ZBTB8A: variants seen among roughly 807,000 people sequenced by gnomAD.
The protein encoded by ZBTB8A is zinc finger and BTB domain-containing protein 8A.
In ZBTB8A, 19 loss-of-function variants were observed where a neutral mutation model predicts 37.8. The ratio of observed to expected loss-of-function variants is 0.50; its 90% confidence interval spans 0.35 to 0.74. The LOEUF (loss-of-function observed/expected upper bound fraction) is 0.74, where lower values mean the gene tolerates loss of function less well. ZBTB8A is among the 30% of genes least tolerant of loss of function. ZBTB8A has a pLI of 0.01. For synonymous variants in ZBTB8A, 181 were observed against 185.2 expected, an observed-to-expected ratio of 0.98 and a Z score of 0.19; for missense variants, 394 against 537.8, an observed-to-expected ratio of 0.73 and a Z score of 2.65.
chr1:32,594,952 AT>A (rs936740778), intron 3 of ZBTB8A, 101 bp from the exon 4 acceptor site: 17 of 1,154,502 alleles, frequency 1.5e-5, no homozygotes, highest in Non-Finnish European at 1.7e-5. Flanking sequence ...TTTTAAGTTT[AT>A]TTTTTTCTTT....
chr1:32,583,682 C>T (rs557594371), intron 2 of ZBTB8A, among the ~76,000 whole-genome samples: 52 of 152,174 alleles, frequency 3.4e-4, no homozygotes, highest in Admixed American at 4.6e-4. Flanking sequence ...AGGGTGGGCC[C>T]TTAATCCAGT....
chr1:32,573,274 G>A (rs1454385738), intron 2 of ZBTB8A, among the ~76,000 whole-genome samples: 2 of 148,210 alleles, frequency 1.3e-5, no homozygotes, highest in Non-Finnish European at 3.0e-5. Flanking sequence ...TGGGGTTTCA[G>A]CACGTTGGTC....
chr1:32,575,586 C>A (rs1051931677), intron 2 of ZBTB8A, among the ~76,000 whole-genome samples: 1 of 151,576 alleles, frequency 6.6e-6, no homozygotes, highest in African/African-American at 2.4e-5. Context: ...AGGTGGCTCA[C>A]GCCTATAATC....
chr1:32,578,376 C>T (rs1389324572), intron 2 of ZBTB8A, among the ~76,000 whole-genome samples: 1 of 151,848 alleles, frequency 6.6e-6, no homozygotes, highest in Non-Finnish European at 1.5e-5. Context: ...CACATCCAGC[C>T]TAATTTTTGT....
chr1:32,571,900 GT>G (rs1200041335), intron 2 of ZBTB8A, among the ~76,000 whole-genome samples: 1 of 151,148 alleles, frequency 6.6e-6, no homozygotes, highest in Non-Finnish European at 1.5e-5. Flanking sequence ...TAGGTTGGGG[GT>G]TTTTTTTGTT....
rs186033017 is a variant in ZBTB8A, at chr1:32,601,251, G to A, written c.*832G>A. ...AATACTTTGGGAGGCCGAGGCAGGC[G>A]GATCACAAGGTCAGGAGTTTGAAAC... On this transcript the variant is annotated 3_prime_UTR_variant, in exon 5 of 5. Coordinates refer to ENST00000373510, the MANE Select transcript of ZBTB8A (RefSeq NM_001040441.3). The A allele has an allele frequency of 7.7e-4, 123 of 159,676 alleles. No individual in the cohort carries two copies. The highest frequency in any genetic ancestry group is 2.3e-3 in the African/African-American group (98 of 41,924). The allele number at this position is 159,676 out of a possible 1,614,324, so 9.9% of individuals were successfully genotyped here. A position where few individuals can be genotyped will look rare whatever the true frequency, so the allele number is the denominator to read the frequency against.
chr1:32,594,293 A>C (rs904158128), intron 3 of ZBTB8A, among the ~76,000 whole-genome samples: 1 of 152,194 alleles, frequency 6.6e-6, no homozygotes, highest in Non-Finnish European at 1.5e-5. Flanking sequence ...CAAAATAATA[A>C]GAATACTAAG....
chr1:32,585,773 TGG>T (rs1644443130), intron 2 of ZBTB8A, among the ~76,000 whole-genome samples: 2 of 151,964 alleles, frequency 1.3e-5, no homozygotes, highest in Admixed American at 1.3e-4. Context: ...GAGGCCAAGG[TGG>T]GTGGATCACC....
chr1:32,601,763 A>C lies in ZBTB8A; in HGVS notation c.*1344A>C. 2 of 398,234 alleles carry C rather than the reference A, an allele frequency of 5.0e-6. No individual in the cohort carries two copies. Among genetic ancestry groups the C allele is most frequent in the Non-Finnish European group, 8.9e-6 (2 of 225,882 alleles). 24.7% of individuals were successfully genotyped at this position (398,234 alleles called of 1,614,324 possible). A position where few individuals can be genotyped will look rare whatever the true frequency, so the allele number is the denominator to read the frequency against. On this transcript the variant is annotated 3_prime_UTR_variant, in exon 5 of 5. Coordinates refer to ENST00000373510, the MANE Select transcript of ZBTB8A (RefSeq NM_001040441.3). ...ACCTCACCAGTTGGCAGTCATTATA[A>C]AAATAAGCCAATCAGAATTAGAAAG...
In ZBTB8A at chr1:32,595,243, A is replaced by G; in HGVS notation, c.993+20A>G. 1 of 1,596,586 alleles carries G rather than the reference A, an allele frequency of 6.3e-7. No homozygotes were observed. The highest frequency in any genetic ancestry group is 1.1e-5 in the South Asian group (1 of 88,682). On this transcript the variant is annotated intron_variant, in intron 4 of 4. Coordinates refer to ENST00000373510, the MANE Select transcript of ZBTB8A (RefSeq NM_001040441.3). The stretch of plus-strand genomic sequence containing the variant: ...CGAACAGTATGTATGATTTTTTTTC[A>G]TCGTTTTACTAATTCTTTTTTGGTT...
At chr1:32,548,546 C>T (rs1029030460) in intron 1 of ZBTB8A, among the ~76,000 whole-genome samples, 2 of 152,090 alleles carry the variant, frequency 1.3e-5, no homozygotes, top group Non-Finnish European at 2.9e-5. Context: ...GTTGGCCAGG[C>T]TGGTCTTGAA....
intron 2 of ZBTB8A, among the ~76,000 whole-genome samples, chr1:32,579,036 G>A (rs1644383711): frequency 6.6e-6 from 1 of 152,112 alleles, no homozygotes; most frequent in Admixed American, 6.6e-5. Context: ...GGCAGTTCTA[G>A]AGTTATCTTT....
At position 32,547,322 on chromosome 1, in the gene ZBTB8A, T is replaced by C. The variant is rs184138961; in HGVS notation, c.-83-6137T>C. Among the ~76,000 whole-genome samples, 775 of 151,438 alleles carry C rather than the reference T, an allele frequency of 5.1e-3. 7 individuals are homozygous for C. Among genetic ancestry groups the C allele is most frequent in the African/African-American group, 0.017 (695 of 41,300 alleles). On this transcript the variant is annotated intron_variant, in intron 1 of 4. Transcript: ENST00000373510. ...TTTAAATATATACATTAGAGTAGTA[T>C]TCTAAGTATAAACAAATTTTCTTTT...
chr1:32,599,409 C>T lies in ZBTB8A; in HGVS notation c.994-678C>T, dbSNP rs150174381. On this transcript the variant is annotated intron_variant, in intron 4 of 4. Coordinates refer to ENST00000373510, the MANE Select transcript of ZBTB8A (RefSeq NM_001040441.3). ...CTACACCGTAGCCTGGGTGACAGAG[C>T]GAGACCCTATTTTAAAAATAAAAAG... is the stretch of plus-strand genomic sequence containing the variant. 7.3e-3 allele frequency among the ~76,000 whole-genome samples: 1,112 copies of T among 151,818 alleles called. 10 individuals carry two copies. The highest frequency in any genetic ancestry group is 0.011 in the Non-Finnish European group (768 of 67,934).
intron 2 of ZBTB8A, among the ~76,000 whole-genome samples, chr1:32,591,968 G>A (rs902252054): frequency 4.6e-5 from 7 of 151,898 alleles, no homozygotes; most frequent in African/African-American, 1.2e-4. Flanking sequence ...CTCAGCTCCC[G>A]AGCAGCTGGG....
rs747084812 is a variant in ZBTB8A at position 32,593,437 on chromosome 1, A to G, written c.506A>G (p.Glu169Gly). 1.9e-6 allele frequency: 3 copies of G among 1,613,886 alleles called. No homozygotes were observed. The South Asian group carries it at 3.3e-5, about 18-fold the overall frequency. ...TCTCCACGTTCTCACCTAAGCCCAG[A>G]GCAAGGAACAGGTATAATAAGTGGA... ...SSSPRSHLSP[E>G]QGTGIISGKS... is the part of the protein sequence containing the mutation. The change falls in exon 3 of 5, where the codon GAG becomes GGG. Residue 169 changes from glutamate (E) to glycine (G), a missense_variant. Transcript: ENST00000373510.
chr1:32,583,466 TAGGTTA>T (rs951932511), intron 2 of ZBTB8A, among the ~76,000 whole-genome samples: 1 of 151,496 alleles, frequency 6.6e-6, no homozygotes, highest in African/African-American at 2.4e-5. Context: ...GTCTCACTCA[TAGGTTA>T]AGACTAGATT....
At chr1:32,591,510 C>T (rs1644488110) in intron 2 of ZBTB8A, among the ~76,000 whole-genome samples, 1 of 152,080 alleles carries the variant, frequency 6.6e-6, no homozygotes, top group African/African-American at 2.4e-5. Context: ...TGAGCTACCA[C>T]CCTGGGCTGG....
At chr1:32,591,499 G>A (rs1158940435) in intron 2 of ZBTB8A, among the ~76,000 whole-genome samples, 7 of 152,188 alleles carry the variant, frequency 4.6e-5, no homozygotes, top group African/African-American at 1.2e-4. Flanking sequence ...GATTATAGGC[G>A]TGAGCTACCA....
Sources: allele counts gnomAD v4.1 joint callset (sites outside exome capture counted in the v4.1 genomes callset), GRCh38; gene constraint gnomAD v4.1.1; transcripts MANE v1.5; gene names NCBI Gene and HGNC (gene_info 2026-07-23, HGNC 2026-07-21).